The following EFHC2 variants were observed in gnomAD, a reference collection of about 807,000 sequenced individuals.
The protein encoded by EFHC2 is EF-hand domain-containing family member C2.
Under a neutral mutation model 52.7 loss-of-function variants are expected in EFHC2, and 18 were observed. The observed-to-expected ratio is 0.34, with a 90% CI of 0.24 to 0.51. EFHC2 has a LOEUF of 0.51. Ranked by LOEUF, EFHC2 falls within the 20% of genes least tolerant of loss-of-function variation. EFHC2 has a pLI of 0.97. For synonymous variants in EFHC2, 203 were observed against 204.1 expected (o/e 0.99, Z 0.04); for missense variants, 513 against 562.5 (o/e 0.91, Z 0.89).
intron 2 of EFHC2, among the ~76,000 whole-genome samples, chrX:44,294,251 TG>T (rs1169954392): frequency 3.0e-5 from 1 of 33,556 alleles, no homozygotes; most frequent in African/African-American, 1.8e-4. Context: ...ATACTCAACG[TG>T]TGTGTGTGTG....
chrX:44,221,820 T>C (rs2037196181), intron 11 of EFHC2, among the ~76,000 whole-genome samples: 1 of 112,162 alleles, frequency 8.9e-6, no homozygotes, highest in Admixed American at 9.4e-5. Flanking sequence ...TCACGCTTCT[T>C]GTCCAATTTA....
chrX:44,281,101 G>A (rs2037698668), intron 2 of EFHC2, among the ~76,000 whole-genome samples: 1 of 111,145 alleles, frequency 9.0e-6, no homozygotes, highest in African/African-American at 3.3e-5. Flanking sequence ...TGTATTTTTA[G>A]TAGAGACAGA....
chrX:44,292,150 G>GTA (rs1418462368), intron 2 of EFHC2, among the ~76,000 whole-genome samples: 1 of 110,874 alleles, frequency 9.0e-6, no homozygotes, highest in African/African-American at 3.3e-5. Flanking sequence ...TTTTTTGTGT[G>GTA]TATATATATA....
At chrX:44,259,627 A>G (rs1343069807) in intron 4 of EFHC2, among the ~76,000 whole-genome samples, 1 of 112,301 alleles carries the variant, frequency 8.9e-6, no homozygotes, top group African/African-American at 3.2e-5. Context: ...ATCCATCATT[A>G]TTCACAATCA....
At chrX:44,200,222 C>G (rs770053854) in intron 11 of EFHC2, among the ~76,000 whole-genome samples, 17 of 111,402 alleles carry the variant, frequency 1.5e-4, no homozygotes, top group Non-Finnish European at 1.9e-5. Context: ...AAAAACTACT[C>G]TAAATGGTCA....
chrX:44,219,399 G>A (rs1355971457), intron 11 of EFHC2, among the ~76,000 whole-genome samples: 1 of 111,299 alleles, frequency 9.0e-6, no homozygotes, highest in Non-Finnish European at 1.9e-5. Flanking sequence ...TAAATAAATA[G>A]TAAGCATGCT....
chrX:44,248,637 A>G (rs1170397302), intron 6 of EFHC2, among the ~76,000 whole-genome samples, 166 bp downstream of exon 6: 1 of 112,499 alleles, frequency 8.9e-6, no homozygotes, highest in Non-Finnish European at 1.9e-5. Context: ...ATTTATATAG[A>G]CATTTCAGCA....
intron 8 of EFHC2, among the ~76,000 whole-genome samples, chrX:44,239,621 C>T (rs1050583894): frequency 8.9e-6 from 1 of 112,203 alleles, no homozygotes; most frequent in African/African-American, 3.2e-5. Flanking sequence ...TATGGCCTCT[C>T]TGAGCCTCAG....
rs539019765 is a variant in EFHC2 at position 44,222,551 on chromosome X, T to G, written c.1751+7098A>C. On this transcript the variant is annotated intron_variant, in intron 11 of 14. Transcript: ENST00000420999. Reference sequence around the variant, plus strand: ...CAGAGATTGCAAAAGTAGCCAAGCGTAGGGGAGGGCTTTGCCTCTTGTTTA... The same window carrying G: ...CAGAGATTGCAAAAGTAGCCAAGCGGAGGGGAGGGCTTTGCCTCTTGTTTA... Among the ~76,000 whole-genome samples, 4 of 111,682 alleles carry G rather than the reference T, an allele frequency of 3.6e-5. No individual in the cohort carries two copies. The South Asian group carries it at 1.5e-3, about 42-fold the overall frequency.
intron 13 of EFHC2, among the ~76,000 whole-genome samples, chrX:44,164,422 C>G (rs189289677): frequency 9.6e-4 from 108 of 112,262 alleles, no homozygotes; most frequent in African/African-American, 3.3e-3. Flanking sequence ...TATATTTCTT[C>G]AATTGCATAC....
intron 1 of EFHC2, among the ~76,000 whole-genome samples, chrX:44,315,627 GC>G (rs1334324301): frequency 1.8e-5 from 2 of 110,845 alleles, no homozygotes; most frequent in African/African-American, 3.3e-5. Context: ...TAAGTGTATA[GC>G]TAAGTGTATG....
chrX:44,320,193 C>T (rs1352221847), intron 1 of EFHC2, among the ~76,000 whole-genome samples: 3 of 112,078 alleles, frequency 2.7e-5, no homozygotes, highest in Non-Finnish European at 5.6e-5. Context: ...TCCACCCACC[C>T]TGGCCTCCCA....
chrX:44,300,127 C>CG (rs1556021922), intron 2 of EFHC2, among the ~76,000 whole-genome samples: 1 of 108,927 alleles, frequency 9.2e-6, no homozygotes, highest in East Asian at 2.9e-4. Flanking sequence ...GGTTTGAACT[C>CG]GGGGGGGAAG....
At chrX:44,215,887 A>G (rs1241829642) in intron 11 of EFHC2, among the ~76,000 whole-genome samples, 1 of 111,307 alleles carries the variant, frequency 9.0e-6, no homozygotes, top group African/African-American at 3.3e-5. Context: ...GTGTGTATGT[A>G]TCTATATATA....
At chrX:44,233,992 C>T (rs758271044) in intron 9 of EFHC2, among the ~76,000 whole-genome samples, 3 of 111,393 alleles carry the variant, frequency 2.7e-5, no homozygotes, top group East Asian at 5.7e-4. Flanking sequence ...TCTAAGACTC[C>T]CTCTTTCTTC....
chrX:44,304,734 C>A (rs1271100372), intron 2 of EFHC2, among the ~76,000 whole-genome samples: 1 of 109,742 alleles, frequency 9.1e-6, no homozygotes, highest in African/African-American at 3.3e-5. Flanking sequence ...AAGCAAAATT[C>A]TTTTGCCTGT....
chrX:44,177,741 T>C (rs995977946), intron 12 of EFHC2, among the ~76,000 whole-genome samples: 3 of 111,456 alleles, frequency 2.7e-5, no homozygotes, highest in Non-Finnish European at 5.6e-5. Flanking sequence ...TTATAAAAGT[T>C]ACATTTATAA....
intron 4 of EFHC2, among the ~76,000 whole-genome samples, chrX:44,253,941 G>C (rs57684843): frequency 0.047 from 5,275 of 112,332 alleles, 232 homozygotes; most frequent in African/African-American, 0.14. Flanking sequence ...AATCTTTGCT[G>C]TTCTGCAGCC....
chrX:44,312,836 A>G, intron 1 of EFHC2, 80 bp from the exon 2 acceptor site: 1 of 939,108 alleles, frequency 1.1e-6, no homozygotes, highest in Non-Finnish European at 1.4e-6. Context: ...ATGTCAACAC[A>G]TTTTCTTACC....
Sources: gnomAD v4.1 joint callset for allele counts (sites outside exome capture counted in the v4.1 genomes callset) on GRCh38, gnomAD v4.1.1 for gene constraint, MANE v1.5 for transcripts, NCBI Gene and HGNC (gene_info 2026-07-23, HGNC 2026-07-21) for gene names.